Variants in PRKN observed in about 807,000 individuals in gnomAD.
PRKN encodes the protein E3 ubiquitin-protein ligase parkin.
In PRKN, 56 loss-of-function variants were observed where a neutral mutation model predicts 59.5. That is an observed-to-expected ratio of 0.94 (90% CI 0.76 to 1.18). The LOEUF is 1.18. Ranked by LOEUF, PRKN falls within the 50% of genes most tolerant of loss-of-function variation. The probability of loss-of-function intolerance (pLI) is 0.00; values close to 1 mark genes in which losing one functional copy is unlikely to be tolerated. For missense variants in PRKN, 657 were observed against 596.4 expected (o/e 1.10, Z -1.06); for synonymous variants, 250 against 222.1 (o/e 1.13, Z -1.12).
chr6:161,848,024 T>G (rs990179846), intron 6 of PRKN, among the ~76,000 whole-genome samples: 11 of 152,192 alleles, frequency 7.2e-5, no homozygotes, highest in African/African-American at 2.7e-4. Context: ...GTCACCGCCT[T>G]ATCTTACAAG....
rs1378501005 is a variant in PRKN at position 161,352,753 on chromosome 6, G to GTATATATATATA, written c.1286-2543_1286-2542insTATATATATATA. 1.7e-5 allele frequency among the ~76,000 whole-genome samples: 2 copies of GTATATATATATA among 118,132 alleles called. No individual in the cohort carries two copies. The highest frequency in any genetic ancestry group is 7.5e-5 in the African/African-American group (2 of 26,684). 77.5% of individuals were successfully genotyped at this position (118,132 alleles called of 152,430 possible). A position where few individuals can be genotyped will look rare whatever the true frequency, so the allele number is the denominator to read the frequency against. ...TGTGTGTGTGTGTGTGTGTGTGTGT[G>GTATATATATATA]TGTATATATATATATATATTTTATT... is the stretch of plus-strand genomic sequence containing the variant. On this transcript the variant is annotated intron_variant, in intron 11 of 11. Coordinates refer to ENST00000366898, the MANE Select transcript of PRKN (RefSeq NM_004562.3). This position sits in a 1 kb window ranked among gnomAD's most constrained non-coding sequence, Gnocchi z 5.8.
At chr6:162,265,983 C>T (rs1313415889) in intron 2 of PRKN, among the ~76,000 whole-genome samples, 3 of 152,186 alleles carry the variant, frequency 2.0e-5, no homozygotes, top group African/African-American at 7.2e-5. Context: ...TCAGGCAGCA[C>T]TCCTCCAGCT....
At position 161,440,330 on chromosome 6, in the gene PRKN, A is replaced by G. The variant is rs930259615; in HGVS notation, c.1084-53453T>C. Among the ~76,000 whole-genome samples the G allele has an allele frequency of 6.6e-6, 1 of 152,158 alleles. No individual in the cohort carries two copies. The highest frequency in any genetic ancestry group is 2.4e-5 in the African/African-American group (1 of 41,432). On this transcript the variant is annotated intron_variant, in intron 9 of 11. Transcript: ENST00000366898. This position sits in a 1 kb window ranked among gnomAD's most constrained non-coding sequence, Gnocchi z 4.1. The stretch of plus-strand genomic sequence containing the variant: ...GTCTGGAGACATTTTTCACTGTCAC[A>G]CTACAGAGTGCCACTGGTGTCTAGC...
intron 4 of PRKN, among the ~76,000 whole-genome samples, chr6:162,144,065 G>C (rs1479754431): frequency 6.6e-6 from 1 of 152,166 alleles, no homozygotes; most frequent in Non-Finnish European, 1.5e-5. Context: ...AAAAGTGGTT[G>C]ACACTTAAGA....
rs527723157 is a variant in PRKN, at chr6:162,357,331, T to C, written c.171+85979A>G. The stretch of plus-strand genomic sequence containing the variant: ...GGTCAAAAGAGTTAAGCAGACATCC[T>C]ACCAAAGGAAAAATAAAGAAATAAA... On this transcript the variant is annotated intron_variant, in intron 2 of 11. Coordinates refer to ENST00000366898, the MANE Select transcript of PRKN (RefSeq NM_004562.3). 3.3e-5 allele frequency among the ~76,000 whole-genome samples: 5 copies of C among 152,248 alleles called. No homozygotes were observed. In the South Asian group the frequency reaches 1.0e-3, roughly 32 times the overall value.
intron 7 of PRKN, among the ~76,000 whole-genome samples, chr6:161,767,463 G>C (rs1789475368): frequency 6.7e-6 from 1 of 150,320 alleles, no homozygotes; most frequent in South Asian, 2.1e-4. Flanking sequence ...CTTGCAGTGA[G>C]CCAAGATCAG....
At chr6:162,639,431 T>TA (rs1777873937) in intron 1 of PRKN, among the ~76,000 whole-genome samples, 2 of 152,198 alleles carry the variant, frequency 1.3e-5, no homozygotes, top group East Asian at 3.8e-4. Flanking sequence ...GGTAGGTGTT[T>TA]AAAGGCAATT....
intron 7 of PRKN, among the ~76,000 whole-genome samples, chr6:161,668,502 T>C (rs561718576): frequency 6.0e-4 from 92 of 152,294 alleles, no homozygotes; most frequent in African/African-American, 2.1e-3. Context: ...ATTTTCACAT[T>C]AGGGCAGGTT....
In PRKN at chr6:161,518,435, G is replaced by C. The variant is rs1003894822; in HGVS notation, c.1083+30419C>G. 3.9e-5 allele frequency among the ~76,000 whole-genome samples: 6 copies of C among 152,362 alleles called. No homozygotes were observed. The highest frequency in any genetic ancestry group is 1.4e-4 in the African/African-American group (6 of 41,594). ...GCCTGTAGTCCCAGCTACTTGGGAGGCTGGGCAGCAGCCTGGGCAGCAAGG... is the reference window on the plus strand; with the variant it reads ...GCCTGTAGTCCCAGCTACTTGGGAGCCTGGGCAGCAGCCTGGGCAGCAAGG... On this transcript the variant is annotated intron_variant, in intron 9 of 11. Transcript: ENST00000366898. The surrounding 1 kb of genome is among the most constrained non-coding windows in gnomAD (Gnocchi z 5.0).
rs1393920713 is a variant in PRKN at position 162,056,955 on chromosome 6, G to T, written c.535-2781C>A. On this transcript the variant is annotated intron_variant, in intron 4 of 11. Transcript: ENST00000366898. The surrounding 1 kb of genome is among the most constrained non-coding windows in gnomAD (Gnocchi z 4.9). ...GGTTTCCTCTAAACTCCTCCCCCTG[G>T]GCCTTTTCCCCTCGCTTCATATCCT... Among the ~76,000 whole-genome samples the T allele has an allele frequency of 6.6e-6, 1 of 151,960 alleles. No individual in the cohort carries two copies. Among genetic ancestry groups the T allele is most frequent in the Non-Finnish European group, 1.5e-5 (1 of 68,006 alleles).
intron 1 of PRKN, among the ~76,000 whole-genome samples, chr6:162,711,289 T>G (rs1778527074): frequency 6.6e-6 from 1 of 152,184 alleles, no homozygotes; most frequent in African/African-American, 2.4e-5. Context: ...AGCCCCTCTG[T>G]AGGACTACAC....
intron 2 of PRKN, among the ~76,000 whole-genome samples, chr6:162,277,328 T>G (rs911454455): frequency 6.6e-6 from 1 of 152,152 alleles, no homozygotes; most frequent in African/African-American, 2.4e-5. Flanking sequence ...TTACAAAGGA[T>G]TCAGCATTAA....
rs894549237 is a variant in PRKN at position 161,451,724 on chromosome 6, G to A, written c.1084-64847C>T. ...CAGGATGCGTCATTTGCAAGCTTGG[G>A]TGGACAGGCAGCTGCCAACAGTGAC... is the stretch of plus-strand genomic sequence containing the variant. On this transcript the variant is annotated intron_variant, in intron 9 of 11. Transcript: ENST00000366898. The surrounding 1 kb of genome is among the most constrained non-coding windows in gnomAD (Gnocchi z 5.9). Among the ~76,000 whole-genome samples, 5 of 152,276 alleles carry A rather than the reference G, an allele frequency of 3.3e-5. No individual in the cohort carries two copies. The Middle Eastern group carries it at 0.014, about 414-fold the overall frequency.
chr6:162,183,184 T>C (rs1181179570), intron 4 of PRKN, among the ~76,000 whole-genome samples: 2 of 152,142 alleles, frequency 1.3e-5, no homozygotes, highest in Non-Finnish European at 2.9e-5. Context: ...TGTTCTCACA[T>C]TGAGAACCAC....
At chr6:161,493,743 A>T (rs970568518) in intron 9 of PRKN, among the ~76,000 whole-genome samples, 6 of 152,232 alleles carry the variant, frequency 3.9e-5, no homozygotes, top group South Asian at 2.1e-4. Context: ...AACGACGTGC[A>T]TTAGCACAGA....
At chr6:161,491,353 T>C (rs1465287048) in intron 9 of PRKN, among the ~76,000 whole-genome samples, 3 of 152,150 alleles carry the variant, frequency 2.0e-5, no homozygotes, top group Non-Finnish European at 2.9e-5. Context: ...TGAGAGGGCG[T>C]TGATGGGGTT....
chr6:162,235,958 G>GAAGAAAGA (rs58769358), intron 3 of PRKN, among the ~76,000 whole-genome samples: 3,271 of 92,270 alleles, frequency 0.035, 192 homozygotes, highest in Admixed American at 0.056. Context: ...AGGAAGAAAG[G>GAAGAAAGA]AAGAAAGAAA....
In PRKN at chr6:162,541,432, G is replaced by C. The variant is rs557379369; in HGVS notation, c.8-97959C>G. The stretch of plus-strand genomic sequence containing the variant: ...CCAGCAAAGAGGCCAGTGAGAAAAG[G>C]GCCATCCTAGGCTCTGGACTCTACT... On this transcript the variant is annotated intron_variant, in intron 1 of 11. Transcript: ENST00000366898. 2.0e-5 allele frequency among the ~76,000 whole-genome samples: 3 copies of C among 152,290 alleles called. No individual in the cohort carries two copies. The East Asian group carries it at 5.8e-4, about 29-fold the overall frequency.
At chr6:162,625,371 T>C (rs566819571) in intron 1 of PRKN, among the ~76,000 whole-genome samples, 2 of 152,276 alleles carry the variant, frequency 1.3e-5, no homozygotes, top group East Asian at 3.9e-4. Flanking sequence ...CAGTTTTCAT[T>C]TCCAAACATG....
Sources: gnomAD v4.1 joint callset for allele counts (sites outside exome capture counted in the v4.1 genomes callset) on GRCh38, gnomAD v4.1.1 for gene constraint, Gnocchi (gnomAD v3.1) non-coding constraint, MANE v1.5 for transcripts, NCBI Gene and HGNC (gene_info 2026-07-23, HGNC 2026-07-21) for gene names.